SRGAP2: variants seen among roughly 807,000 people sequenced by gnomAD.
SRGAP2 encodes the protein SLIT-ROBO Rho GTPase-activating protein 2.
A neutral mutation model predicts 57.2 loss-of-function variants in SRGAP2; 15 were observed. The ratio of observed to expected loss-of-function variants is 0.26; its 90% CI spans 0.18 to 0.40. SRGAP2 has a LOEUF of 0.40. SRGAP2 is among the 10% of genes least tolerant of loss of function. SRGAP2 has a pLI of 1.00. For missense variants in SRGAP2, 520 were observed against 669.6 expected, an observed-to-expected ratio of 0.78 and a Z score of 2.47; for synonymous variants, 249 against 248.0, an observed-to-expected ratio of 1.00 and a Z score of -0.04.
intron 10 of SRGAP2, among the ~76,000 whole-genome samples, chr1:206,413,658 C>G (rs1659412801): frequency 6.6e-6 from 1 of 152,162 alleles, no homozygotes; most frequent in Non-Finnish European, 1.5e-5. Context: ...ACTGCTCATT[C>G]ATTTATTCAT....
intron 17 of SRGAP2, among the ~76,000 whole-genome samples, chr1:206,444,576 C>T (rs1662590192): frequency 2.0e-5 from 3 of 152,194 alleles, no homozygotes; most frequent in Admixed American, 6.5e-5. Context: ...AGGAACTGGC[C>T]AGCCTTGGAT....
At chr1:206,440,436 C>CTT (rs1317823950) in intron 17 of SRGAP2, among the ~76,000 whole-genome samples, 11 of 152,212 alleles carry the variant, frequency 7.2e-5, no homozygotes, top group South Asian at 6.2e-4. Flanking sequence ...CCTGAGAAGA[C>CTT]AGTGTACAAG....
At position 206,207,819 on chromosome 1, in the gene SRGAP2, CA is replaced by C. The variant is rs1259887077; in HGVS notation, c.67+1785del. On this transcript the variant is annotated intron_variant, in intron 2 of 22. Transcript: ENST00000573034. ...ACCATATCTGCCAATTTCTTATTGG[CA>C]AAGGATTTCTCAAGAGTGTCTCAAA... 35 of 102,728 alleles carry C rather than the reference CA, an allele frequency of 3.4e-4. 1 individual carries two copies. Among genetic ancestry groups the C allele is most frequent in the African/African-American group, 1.3e-3 (31 of 24,522 alleles). The allele number at this position is 102,728 out of a possible 1,614,324, so 6.4% of individuals were successfully genotyped here. A position where few individuals can be genotyped will look rare whatever the true frequency, so the allele number is the denominator to read the frequency against.
At chr1:206,439,771 A>G (rs1249390451) in intron 16 of SRGAP2, among the ~76,000 whole-genome samples, 1 of 152,142 alleles carries the variant, frequency 6.6e-6, no homozygotes, top group Non-Finnish European at 1.5e-5. Context: ...GCAATGGTAA[A>G]TGTCTGGAGC....
chr1:206,228,536 T>C (rs1667420291), intron 2 of SRGAP2, among the ~76,000 whole-genome samples: 1 of 151,998 alleles, frequency 6.6e-6, no homozygotes, highest in African/African-American at 2.4e-5. Flanking sequence ...CAGTGTTGGG[T>C]TCATAACAGG....
chr1:206,453,883 T>C (rs1329459814), intron 20 of SRGAP2: 1 of 443,130 alleles, frequency 2.3e-6, no homozygotes, highest in Non-Finnish European at 4.0e-6. Context: ...ACCTAGTTCA[T>C]TTAACCGAGA....
At chr1:206,213,610 A>G (rs1235236213) in intron 2 of SRGAP2, among the ~76,000 whole-genome samples, 1 of 151,784 alleles carries the variant, frequency 6.6e-6, no homozygotes, top group Non-Finnish European at 1.5e-5. Flanking sequence ...GACAAATGAC[A>G]GTGTCTGTTT....
In SRGAP2 at chr1:206,454,105, C is replaced by CA; in HGVS notation, c.2360+726dup. 1.4e-6 allele frequency: 1 copy of CA among 702,364 alleles called. No homozygotes were observed. Among genetic ancestry groups the CA allele is most frequent in the Non-Finnish European group, 2.6e-6 (1 of 384,874 alleles). 43.5% of individuals were successfully genotyped at this position (702,364 alleles called of 1,614,324 possible). ...TCCCCTCCCTTGGATACGATGCTGT[C>CA]AGTGTTTTTAGTCCTTCCCTTAATA... On this transcript the variant is annotated intron_variant, in intron 20 of 22. Transcript: ENST00000573034. The surrounding 1 kb of genome is among the most constrained non-coding windows in gnomAD (Gnocchi z 4.3).
intron 3 of SRGAP2, chr1:206,333,221 G>A: frequency 3.2e-6 from 2 of 634,044 alleles, no homozygotes; most frequent in South Asian, 1.6e-5. Context: ...AAGCTCAGAT[G>A]GAAATGCAGA....
chr1:206,401,169 AAT>A (rs1445170135), intron 7 of SRGAP2, among the ~76,000 whole-genome samples: 1 of 152,326 alleles, frequency 6.6e-6, no homozygotes, highest in Admixed American at 6.5e-5. Flanking sequence ...TTAATTAAAT[AAT>A]GTCATTTTAT....
In SRGAP2 at chr1:206,205,851, AC is replaced by A. The variant is rs1241770981; in HGVS notation, c.-118del. 1.4e-6 allele frequency: 1 copy of A among 733,184 alleles called. No homozygotes were observed. Among genetic ancestry groups the A allele is most frequent in the Non-Finnish European group, 2.3e-6 (1 of 436,812 alleles). The allele number at this position is 733,184 out of a possible 1,614,324, so 45.4% of individuals were successfully genotyped here. On this transcript the variant is annotated 5_prime_UTR_variant, in exon 2 of 23. Coordinates refer to ENST00000573034, the MANE Select transcript of SRGAP2 (RefSeq NM_015326.5). ...CGCGCTCCACGGAGCGCTGGAGACC[AC>A]CGTGGGGGGCCCCTTCTGCCCTCGA...
intron 3 of SRGAP2, among the ~76,000 whole-genome samples, chr1:206,312,821 C>G (rs1369625323): frequency 5.3e-5 from 8 of 152,056 alleles, no homozygotes; most frequent in African/African-American, 1.9e-4. Flanking sequence ...GGAAGATGTT[C>G]TTGCATTTTC....
At chr1:206,364,454 C>A (rs1653752750) in intron 4 of SRGAP2, among the ~76,000 whole-genome samples, 1 of 151,862 alleles carries the variant, frequency 6.6e-6, no homozygotes, top group African/African-American at 2.4e-5. Flanking sequence ...GTATGTGCCA[C>A]CATGCCTGGC....
chr1:206,307,313 T>G (rs2102771242), intron 3 of SRGAP2, among the ~76,000 whole-genome samples: 1 of 152,374 alleles, frequency 6.6e-6, no homozygotes, highest in South Asian at 2.1e-4. Flanking sequence ...GGGTGCTGAT[T>G]GGTGTATTTA....
At chr1:206,373,887 C>T (rs1185066753) in intron 4 of SRGAP2, among the ~76,000 whole-genome samples, 3 of 151,262 alleles carry the variant, frequency 2.0e-5, no homozygotes, top group African/African-American at 7.3e-5. Flanking sequence ...ATTTAACACA[C>T]CTGTCTCAGT....
At chr1:206,445,635 C>T (rs769801917) in intron 17 of SRGAP2, among the ~76,000 whole-genome samples, 1 of 152,196 alleles carries the variant, frequency 6.6e-6, no homozygotes, top group Non-Finnish European at 1.5e-5. Flanking sequence ...TGCACAGTGC[C>T]TGTGCCTCTG....
At chr1:206,428,303 G>T (rs1660983261) in intron 13 of SRGAP2, among the ~76,000 whole-genome samples, 1 of 151,266 alleles carries the variant, frequency 6.6e-6, no homozygotes, top group African/African-American at 2.4e-5. Context: ...TGTATTCCCA[G>T]CTACTCGGGA....
At chr1:206,363,414 T>C (rs1472058905) in intron 4 of SRGAP2, among the ~76,000 whole-genome samples, 9 of 152,034 alleles carry the variant, frequency 5.9e-5, no homozygotes, top group Non-Finnish European at 8.8e-5. Flanking sequence ...TTTCCAATAT[T>C]TGGGGGCGAG....
At chr1:206,423,556 T>C (rs1307003211) in intron 13 of SRGAP2, among the ~76,000 whole-genome samples, 1 of 152,208 alleles carries the variant, frequency 6.6e-6, no homozygotes, top group South Asian at 2.1e-4. Context: ...TCGGGGGGAC[T>C]CCATTCTTCA....
Sources: allele counts gnomAD v4.1 joint callset (sites outside exome capture counted in the v4.1 genomes callset), GRCh38; gene constraint gnomAD v4.1.1; non-coding constraint Gnocchi (gnomAD v3.1); transcripts MANE v1.5; gene names NCBI Gene and HGNC (gene_info 2026-07-23, HGNC 2026-07-21).